Variants in ACTN1 observed in about 807,000 individuals in gnomAD.
ACTN1 encodes alpha-actinin-1.
A neutral mutation model predicts 119.6 loss-of-function variants in ACTN1; 30 were observed. The observed-to-expected ratio is 0.25, with a 90% CI of 0.19 to 0.34. The LOEUF (loss-of-function observed/expected upper bound fraction) is 0.34, where lower values mean the gene tolerates loss of function less well. Among genes scored for constraint, ACTN1 ranks in the 10% least tolerant of loss-of-function variants. The pLI is 1.00. For synonymous variants in ACTN1, 429 were observed against 472.6 expected, an observed-to-expected ratio of 0.91 and a Z score of 1.20; for missense variants, 764 against 1,223.4, an observed-to-expected ratio of 0.62 and a Z score of 5.60.
intron 1 of ACTN1, among the ~76,000 whole-genome samples, chr14:68,941,078 G>T (rs1046522802): frequency 6.6e-6 from 1 of 152,176 alleles, no homozygotes; most frequent in Non-Finnish European, 1.5e-5. Context: ...CTTGGGAGGG[G>T]TTCCTGTGGA....
intron 1 of ACTN1, among the ~76,000 whole-genome samples, chr14:68,936,121 G>A (rs1289696269): frequency 1.3e-5 from 2 of 151,930 alleles, no homozygotes; most frequent in Admixed American, 6.5e-5. Context: ...ATCAGAACAC[G>A]CCTAATGAGA....
intron 6 of ACTN1, among the ~76,000 whole-genome samples, chr14:68,908,988 T>G (rs1408671239): frequency 6.6e-6 from 1 of 152,070 alleles, no homozygotes; most frequent in East Asian, 1.9e-4. Flanking sequence ...GAAAATAGTG[T>G]CTCCTCTTTA....
chr14:68,888,889 C>T (rs9323520), intron 11 of ACTN1, among the ~76,000 whole-genome samples: 19,999 of 152,190 alleles, frequency 0.13, 1,453 homozygotes, highest in African/African-American at 0.16. Flanking sequence ...CTGTCTTCCA[C>T]GAAACTGGTC....
intron 6 of ACTN1, among the ~76,000 whole-genome samples, chr14:68,905,933 A>G (rs2033637552): frequency 6.6e-6 from 1 of 151,530 alleles, no homozygotes; most frequent in Non-Finnish European, 1.5e-5. Flanking sequence ...CAATGAGCCA[A>G]GATCGCGCTG....
At chr14:68,881,936 C>CCTTTTTTTTTTTTTTTTTTTTTT (rs2031552165) in intron 16 of ACTN1, among the ~76,000 whole-genome samples, 1 of 58,392 alleles carries the variant, frequency 1.7e-5, no homozygotes, top group African/African-American at 1.1e-4. Flanking sequence ...TAGGCAGCTT[C>CCTTTTTTTTTTTTTTTTTTTTTT]TTTTTTTTTT....
chr14:68,882,764 GT>G lies in ACTN1; in HGVS notation c.1818+108del. On this transcript the variant is annotated intron_variant, in intron 15 of 21. Coordinates refer to ENST00000394419, the MANE Select transcript of ACTN1 (RefSeq NM_001130004.2). The surrounding 1 kb of genome is among the most constrained non-coding windows in gnomAD (Gnocchi z 4.5). Reference sequence around the variant, plus strand: ...TTTGACATTTGGACAAACAATGAGTGTTTACTATATGACAATTTTAAATGAA... The same window carrying G: ...TTTGACATTTGGACAAACAATGAGTGTTACTATATGACAATTTTAAATGAA... 1 of 1,521,112 alleles carries G rather than the reference GT, an allele frequency of 6.6e-7. No homozygotes were observed. Among genetic ancestry groups the G allele is most frequent in the South Asian group, 1.2e-5 (1 of 81,728 alleles). 94.2% of individuals were successfully genotyped at this position (1,521,112 alleles called of 1,614,324 possible). A position where few individuals can be genotyped will look rare whatever the true frequency, so the allele number is the denominator to read the frequency against.
At chr14:68,953,222 C>T (rs1022656765) in intron 1 of ACTN1, among the ~76,000 whole-genome samples, 2 of 152,178 alleles carry the variant, frequency 1.3e-5, no homozygotes, top group African/African-American at 2.4e-5. Context: ...CTTAGGCAAA[C>T]TCAACTCTCC....
Position 68,925,506 on chromosome 14 carries a change from G to T in ACTN1, c.220+52C>A. The stretch of plus-strand genomic sequence containing the variant: ...TCATAGGCAGAGCAGATGCCAAGGT[G>T]TCAGGCAGCACCAATAGACAGTATC... On this transcript the variant is annotated intron_variant, in intron 2 of 21. Coordinates refer to ENST00000394419, the MANE Select transcript of ACTN1 (RefSeq NM_001130004.2). The surrounding 1 kb of genome is among the most constrained non-coding windows in gnomAD (Gnocchi z 4.3). 1 of 1,479,826 alleles carries T rather than the reference G, an allele frequency of 6.8e-7. No individual in the cohort carries two copies. The highest frequency in any genetic ancestry group is 9.3e-7 in the Non-Finnish European group (1 of 1,075,602). The allele number at this position is 1,479,826 out of a possible 1,614,324, so 91.7% of individuals were successfully genotyped here.
intron 1 of ACTN1, among the ~76,000 whole-genome samples, chr14:68,963,871 G>A (rs139332176): frequency 6.6e-6 from 1 of 152,232 alleles, no homozygotes; most frequent in East Asian, 1.9e-4. Context: ...GGGTATATGG[G>A]AAATCACTAT....
intron 1 of ACTN1, among the ~76,000 whole-genome samples, chr14:68,975,016 G>A (rs1453166988): frequency 6.6e-6 from 1 of 152,208 alleles, no homozygotes. Flanking sequence ...TCGAGAAGAT[G>A]AAAAGGGGTG....
chr14:68,968,608 A>C (rs574034344), intron 1 of ACTN1, among the ~76,000 whole-genome samples: 1 of 152,382 alleles, frequency 6.6e-6, no homozygotes, highest in South Asian at 2.1e-4. Flanking sequence ...CAGGGAGAAC[A>C]CTGCGGTCGC....
intron 1 of ACTN1, among the ~76,000 whole-genome samples, chr14:68,940,401 CTCCA>C (rs1449953541): frequency 6.6e-6 from 1 of 152,170 alleles, no homozygotes; most frequent in African/African-American, 2.4e-5. Flanking sequence ...AACTTGACCC[CTCCA>C]TGTAGTTGAG....
rs535193873 is a variant in ACTN1 at position 68,961,116 on chromosome 14, T to C, written c.105+17836A>G. ...CCTGTTATACACGAGACTTTTAATA[T>C]ATCCACCTCAAATGCTTTTTGGAAA... On this transcript the variant is annotated intron_variant, in intron 1 of 21. Coordinates refer to ENST00000394419, the MANE Select transcript of ACTN1 (RefSeq NM_001130004.2). Among the ~76,000 whole-genome samples, 4 of 152,268 alleles carry C rather than the reference T, an allele frequency of 2.6e-5. No homozygotes were observed. In the East Asian group the frequency reaches 5.8e-4, roughly 22 times the overall value.
In ACTN1 at chr14:68,880,464, T is replaced by TACACACACACAC. The variant is rs150904596; in HGVS notation, c.2133+334_2133+345dup. On this transcript the variant is annotated intron_variant, in intron 17 of 21. Transcript: ENST00000394419. This position sits in a 1 kb window ranked among gnomAD's most constrained non-coding sequence, Gnocchi z 4.6. ...CCACAGCCACGCGCGCACACACACATACACACACACACACTCTTGCACAGT... is the reference window on the plus strand; with the variant it reads ...CCACAGCCACGCGCGCACACACACATACACACACACACACACACACACACACTCTTGCACAGT... 2.6e-5 allele frequency among the ~76,000 whole-genome samples: 4 copies of TACACACACACAC among 151,388 alleles called. No homozygotes were observed. The highest frequency in any genetic ancestry group is 9.7e-5 in the African/African-American group (4 of 41,258).
chr14:68,958,520 TAAA>T (rs796668441), intron 1 of ACTN1, among the ~76,000 whole-genome samples: 1 of 145,434 alleles, frequency 6.9e-6, no homozygotes, highest in Non-Finnish European at 1.5e-5. Flanking sequence ...CCTTTTCAAT[TAAA>T]AAAAAAAACA....
rs143894168 is a variant in ACTN1 at position 68,939,253 on chromosome 14, G to A, written c.106-13581C>T. Among the ~76,000 whole-genome samples, 1,008 of 152,230 alleles carry A rather than the reference G, an allele frequency of 6.6e-3. 9 individuals carry two copies. Among genetic ancestry groups the A allele is most frequent in the African/African-American group, 0.023 (936 of 41,544 alleles). On this transcript the variant is annotated intron_variant, in intron 1 of 21. Coordinates refer to ENST00000394419, the MANE Select transcript of ACTN1 (RefSeq NM_001130004.2). Reference sequence around the variant, plus strand: ...AACAGGTCTGTCCTCTTAGCTCCTCGCCAATGAGAGTCAACTGCCTCAGCC... The same window carrying A: ...AACAGGTCTGTCCTCTTAGCTCCTCACCAATGAGAGTCAACTGCCTCAGCC...
chr14:68,972,514 T>C (rs1477724089), intron 1 of ACTN1, among the ~76,000 whole-genome samples: 2 of 152,266 alleles, frequency 1.3e-5, no homozygotes, highest in Non-Finnish European at 2.9e-5. Context: ...TAAAATTCCA[T>C]GCCATAAAGT....
At chr14:68,945,163 C>CA (rs11408138) in intron 1 of ACTN1, among the ~76,000 whole-genome samples, 88,242 of 119,872 alleles carry the variant, frequency 0.74, 31,296 homozygotes, top group East Asian at 0.95. Context: ...GACTCCGGTT[C>CA]AAAAAAAAAA....
chr14:68,926,063 C>T (rs2034910247), intron 1 of ACTN1, among the ~76,000 whole-genome samples: 1 of 152,130 alleles, frequency 6.6e-6, no homozygotes, highest in South Asian at 2.1e-4. Context: ...ACAGAGTAAC[C>T]CCGAAGGAAC....
Sources: allele counts gnomAD v4.1 joint callset (sites outside exome capture counted in the v4.1 genomes callset), GRCh38; gene constraint gnomAD v4.1.1; non-coding constraint Gnocchi (gnomAD v3.1); transcripts MANE v1.5; gene names NCBI Gene and HGNC (gene_info 2026-07-23, HGNC 2026-07-21).